The following CACNA2D3 variants were observed in gnomAD, a reference collection of about 807,000 sequenced individuals.
The protein encoded by CACNA2D3 is voltage-dependent calcium channel subunit alpha-2/delta-3.
In CACNA2D3, 60 loss-of-function variants were observed where a neutral mutation model predicts 160.6. The ratio of observed to expected loss-of-function variants is 0.37; its 90% CI spans 0.30 to 0.46. The LOEUF (loss-of-function observed/expected upper bound fraction) is 0.46. Ranked by LOEUF, CACNA2D3 falls within the 20% of genes least tolerant of loss-of-function variation. CACNA2D3 has a pLI of 1.00. For missense variants in CACNA2D3, 1,205 were observed against 1,365.0 expected, an observed-to-expected ratio of 0.88 and a Z score of 1.85; for synonymous variants, 558 against 492.9, an observed-to-expected ratio of 1.13 and a Z score of -1.75.
chr3:54,614,378 A>G (rs554192481), intron 9 of CACNA2D3, among the ~76,000 whole-genome samples: 40 of 152,272 alleles, frequency 2.6e-4, no homozygotes, highest in South Asian at 4.2e-4. Flanking sequence ...TCTAATGCCA[A>G]TCTTTCCCTC....
chr3:54,281,407 A>G (rs1460380745), intron 2 of CACNA2D3, among the ~76,000 whole-genome samples: 2 of 152,072 alleles, frequency 1.3e-5, no homozygotes, highest in East Asian at 3.9e-4. Context: ...CGTGGGAGCT[A>G]GGTATAGAGG....
intron 27 of CACNA2D3, among the ~76,000 whole-genome samples, chr3:54,933,837 C>T (rs929928482): frequency 9.2e-5 from 14 of 151,604 alleles, no homozygotes; most frequent in African/African-American, 3.4e-4. Flanking sequence ...GGCCTGGTCT[C>T]AGCTTACTGC....
chr3:54,290,614 G>T (rs1465800138), intron 2 of CACNA2D3, among the ~76,000 whole-genome samples: 1 of 150,792 alleles, frequency 6.6e-6, no homozygotes, highest in Non-Finnish European at 1.5e-5. Flanking sequence ...GCACACGTAT[G>T]TTTATTGCGG....
At chr3:54,576,163 C>G (rs940102349) in intron 8 of CACNA2D3, among the ~76,000 whole-genome samples, 3 of 152,184 alleles carry the variant, frequency 2.0e-5, no homozygotes, top group African/African-American at 7.2e-5. Context: ...CTCTAGGTGA[C>G]TGATAACCTT....
At chr3:54,497,476 G>A (rs1359858925) in intron 4 of CACNA2D3, among the ~76,000 whole-genome samples, 1 of 151,904 alleles carries the variant, frequency 6.6e-6, no homozygotes, top group Non-Finnish European at 1.5e-5. Flanking sequence ...TGTATTCTGT[G>A]ATCTTGTTAA....
intron 4 of CACNA2D3, among the ~76,000 whole-genome samples, chr3:54,426,887 C>G (rs1201420967): frequency 6.6e-6 from 1 of 151,974 alleles, no homozygotes; most frequent in South Asian, 2.1e-4. Context: ...ATCAGAAAAT[C>G]CTTTCTAGAT....
intron 31 of CACNA2D3, among the ~76,000 whole-genome samples, chr3:54,998,867 C>G (rs1392098394): frequency 6.6e-6 from 1 of 152,130 alleles, no homozygotes; most frequent in Non-Finnish European, 1.5e-5. Flanking sequence ...CTGCCTAAGC[C>G]TCCCGAGTAG....
intron 4 of CACNA2D3, among the ~76,000 whole-genome samples, chr3:54,489,693 C>G (rs906457753): frequency 6.6e-6 from 1 of 152,252 alleles, no homozygotes; most frequent in East Asian, 1.9e-4. Flanking sequence ...GAGTGAAATG[C>G]CCAGTGGCCA....
intron 11 of CACNA2D3, among the ~76,000 whole-genome samples, chr3:54,713,964 G>A (rs868744417): frequency 1.3e-5 from 2 of 152,078 alleles, no homozygotes; most frequent in African/African-American, 2.4e-5. Context: ...ATGTGATGAT[G>A]GTTTTTGAAT....
chr3:55,005,365 G>A (rs2107139273), intron 32 of CACNA2D3, among the ~76,000 whole-genome samples: 2 of 152,232 alleles, frequency 1.3e-5, no homozygotes, highest in South Asian at 4.1e-4. Flanking sequence ...AATGAGAAAT[G>A]GATCTAAAGT....
intron 11 of CACNA2D3, among the ~76,000 whole-genome samples, chr3:54,682,353 G>A (rs1559548072): frequency 2.0e-5 from 3 of 152,140 alleles, no homozygotes; most frequent in Non-Finnish European, 2.9e-5. Context: ...TAGCCCGGGC[G>A]TGGTGGCTCA....
intron 35 of CACNA2D3, among the ~76,000 whole-genome samples, chr3:55,062,447 G>A (rs912107050): frequency 2.0e-5 from 3 of 152,020 alleles, no homozygotes; most frequent in Admixed American, 1.3e-4. Flanking sequence ...ATTCAATGAC[G>A]TGTAGAAAAC....
intron 27 of CACNA2D3, among the ~76,000 whole-genome samples, chr3:54,922,890 C>G (rs1700895260): frequency 6.6e-6 from 1 of 152,114 alleles, no homozygotes; most frequent in Admixed American, 6.5e-5. Context: ...CACTGCAGGA[C>G]AAATCAAAAT....
chr3:54,405,836 C>T (rs948434960), intron 4 of CACNA2D3, among the ~76,000 whole-genome samples: 1 of 121,216 alleles, frequency 8.2e-6, no homozygotes, highest in Non-Finnish European at 1.8e-5. Context: ...TTATAAAGAA[C>T]TCATACAACT....
intron 4 of CACNA2D3, among the ~76,000 whole-genome samples, chr3:54,476,294 T>TA (rs1700830485): frequency 6.6e-6 from 1 of 151,334 alleles, no homozygotes; most frequent in Non-Finnish European, 1.5e-5. Context: ...ACATTTTTTT[T>TA]ATCCATTCAC....
At chr3:54,240,389 C>G (rs1298864158) in intron 2 of CACNA2D3, among the ~76,000 whole-genome samples, 3 of 152,100 alleles carry the variant, frequency 2.0e-5, no homozygotes, top group African/African-American at 7.2e-5. Context: ...ACAGTAATTA[C>G]TAGATATAAT....
At chr3:54,937,382 G>A (rs1044138194) in intron 27 of CACNA2D3, among the ~76,000 whole-genome samples, 30 of 152,126 alleles carry the variant, frequency 2.0e-4, no homozygotes, top group Non-Finnish European at 3.5e-4. Flanking sequence ...TATATGAGGG[G>A]GATTGGTTCC....
chr3:54,543,763 C>T (rs1251389572), intron 5 of CACNA2D3, among the ~76,000 whole-genome samples: 1 of 152,158 alleles, frequency 6.6e-6, no homozygotes, highest in African/African-American at 2.4e-5. Flanking sequence ...AAAGGTCTTT[C>T]TTGTCTTTCT....
At chr3:54,495,418 CAAAT>C (rs1181318717) in intron 4 of CACNA2D3, among the ~76,000 whole-genome samples, 2 of 152,060 alleles carry the variant, frequency 1.3e-5, no homozygotes, top group Admixed American at 6.6e-5. Context: ...TGAGTACTGA[CAAAT>C]GAATCCACCT....
Sources: allele counts gnomAD v4.1 joint callset (sites outside exome capture counted in the v4.1 genomes callset), GRCh38; gene constraint gnomAD v4.1.1; transcripts MANE v1.5; gene names NCBI Gene and HGNC (gene_info 2026-07-23, HGNC 2026-07-21).